STK32B: variants seen among roughly 807,000 people sequenced by gnomAD.
STK32B encodes serine/threonine kinase 32B, also known as serine/threonine-protein kinase 32B.
STK32B carries 43 observed loss-of-function variants against 52.6 expected under a neutral mutation model. That is an observed-to-expected ratio of 0.82 (90% CI 0.64 to 1.05). The LOEUF (loss-of-function observed/expected upper bound fraction) is 1.05, where lower values mean the gene tolerates loss of function less well. STK32B is among the 50% of genes least tolerant of loss of function. STK32B has a pLI of 0.00. For synonymous variants in STK32B, 238 were observed against 204.3 expected (o/e 1.17, Z -1.41); for missense variants, 621 against 534.6 (o/e 1.16, Z -1.59).
chr4:5,497,571 C>T (rs1341735900), intron 11 of STK32B, among the ~76,000 whole-genome samples: 1 of 152,202 alleles, frequency 6.6e-6, no homozygotes, highest in Non-Finnish European at 1.5e-5. Flanking sequence ...GGTCCTGGGC[C>T]TTTGCATGAA....
At chr4:5,207,357 G>T (rs1182000094) in intron 3 of STK32B, among the ~76,000 whole-genome samples, 1 of 152,158 alleles carries the variant, frequency 6.6e-6, no homozygotes, top group Admixed American at 6.5e-5. Context: ...TCTCGTGATA[G>T]CGAATAAGTT....
intron 2 of STK32B, among the ~76,000 whole-genome samples, chr4:5,167,919 G>C (rs1172721586): frequency 6.6e-6 from 1 of 152,236 alleles, no homozygotes; most frequent in Admixed American, 6.5e-5. Flanking sequence ...CACAGACGGA[G>C]TCTGCGACAC....
intron 3 of STK32B, among the ~76,000 whole-genome samples, chr4:5,208,227 A>G (rs1722698526): frequency 6.6e-6 from 1 of 152,188 alleles, no homozygotes; most frequent in South Asian, 2.1e-4. Flanking sequence ...GCTCACACCC[A>G]TTTATTTTCC....
At position 5,102,733 on chromosome 4, in the gene STK32B, C is replaced by T. The variant is rs183547300; in HGVS notation, c.53-37172C>T. Among the ~76,000 whole-genome samples, 22 of 150,888 alleles carry T rather than the reference C, an allele frequency of 1.5e-4. No homozygotes were observed. In the East Asian group the frequency reaches 2.5e-3, roughly 17 times the overall value. On this transcript the variant is annotated intron_variant, in intron 1 of 11. Coordinates refer to ENST00000282908, the MANE Select transcript of STK32B (RefSeq NM_018401.3). ...TTGTTTTTAATTTTTAGTAGAGATA[C>T]GGTTTTACCATTTTGGCCAGGCTGG...
At chr4:5,140,102 G>GA in intron 2 of STK32B, 142 bp downstream of exon 2, 1 of 1,429,498 alleles carries the variant, frequency 7.0e-7, no homozygotes, top group Non-Finnish European at 9.8e-7. Context: ...AAGGAAGTCT[G>GA]AATAGTTTCC....
chr4:5,248,045 C>T (rs529822608), intron 3 of STK32B, among the ~76,000 whole-genome samples: 15 of 152,224 alleles, frequency 9.9e-5, no homozygotes, highest in Non-Finnish European at 1.5e-4. Context: ...TATTGGCAAC[C>T]GCAGCTACAG....
intron 3 of STK32B, among the ~76,000 whole-genome samples, chr4:5,182,469 T>G (rs1448359405): frequency 4.6e-5 from 7 of 151,972 alleles, no homozygotes; most frequent in Admixed American, 4.6e-4. Context: ...TTTCCTTTTT[T>G]TTTGTTTTTT....
intron 3 of STK32B, among the ~76,000 whole-genome samples, chr4:5,243,657 A>C (rs941212961): frequency 2.6e-5 from 4 of 152,148 alleles, no homozygotes; most frequent in African/African-American, 9.7e-5. Flanking sequence ...GTCTTGTGCC[A>C]GTTTTCAAAG....
At chr4:5,314,148 T>A (rs1393565285) in intron 3 of STK32B, among the ~76,000 whole-genome samples, 1 of 151,986 alleles carries the variant, frequency 6.6e-6, no homozygotes, top group Non-Finnish European at 1.5e-5. Context: ...GGAGTCAGCC[T>A]ACTCAATGTT....
intron 6 of STK32B, among the ~76,000 whole-genome samples, chr4:5,433,408 G>A (rs1307476332): frequency 6.6e-6 from 1 of 152,122 alleles, no homozygotes; most frequent in African/African-American, 2.4e-5. Flanking sequence ...GTAAGTGTCC[G>A]GTGGGTGTTA....
At chr4:5,048,707 C>T (rs934840816), upstream of STK32B, among the ~76,000 whole-genome samples, 3 of 152,246 alleles carry the variant, frequency 2.0e-5, no homozygotes, top group East Asian at 1.9e-4. Context: ...GGATTATAGG[C>T]GTGAAACGCC....
intron 3 of STK32B, among the ~76,000 whole-genome samples, chr4:5,230,388 C>T (rs1724180390): frequency 6.6e-6 from 1 of 151,688 alleles, no homozygotes; most frequent in Non-Finnish European, 1.5e-5. Flanking sequence ...TGGGGTTTCA[C>T]CATATTAGCC....
chr4:5,477,981 C>T (rs1560447192), intron 11 of STK32B, among the ~76,000 whole-genome samples: 1 of 152,156 alleles, frequency 6.6e-6, no homozygotes, highest in Admixed American at 6.5e-5. Flanking sequence ...CGGAAAAGCT[C>T]AGCCTCACCT....
chr4:5,350,640 A>C (rs1733765019), intron 4 of STK32B, among the ~76,000 whole-genome samples: 2 of 152,198 alleles, frequency 1.3e-5, no homozygotes. Context: ...CTCACATATC[A>C]ATAATAACAT....
At chr4:5,479,166 C>G (rs1718483300) in intron 11 of STK32B, among the ~76,000 whole-genome samples, 1 of 147,348 alleles carries the variant, frequency 6.8e-6, no homozygotes, top group African/African-American at 2.5e-5. Context: ...GTCACCCAGG[C>G]TGGAGTGAAG....
rs148076152 is a variant in STK32B, at chr4:5,087,790, C to T, written c.52+35875C>T. 1.5e-3 allele frequency among the ~76,000 whole-genome samples: 233 copies of T among 150,992 alleles called. 1 individual carries two copies. The highest frequency in any genetic ancestry group is 2.9e-3 in the South Asian group (14 of 4,748). ...TGGATCTCATAATATAGCCCCAAGA[C>T]GTATGAAGCAAAAAGCGGCAGAATT... On this transcript the variant is annotated intron_variant, in intron 1 of 11. Transcript: ENST00000282908.
chr4:5,398,976 G>A lies in STK32B; in HGVS notation c.472+732G>A, dbSNP rs568284564. Among the ~76,000 whole-genome samples, 16 of 152,312 alleles carry A rather than the reference G, an allele frequency of 1.1e-4. No individual in the cohort carries two copies. The highest frequency in any genetic ancestry group is 2.6e-4 in the African/African-American group (11 of 41,562). ...CTGGTAAAAATCAGAGGTCAGGCCCGGTCCTGCTTCAGCAAGCCTGGGCTC... is the reference window on the plus strand; with the variant it reads ...CTGGTAAAAATCAGAGGTCAGGCCCAGTCCTGCTTCAGCAAGCCTGGGCTC... On this transcript the variant is annotated intron_variant, in intron 5 of 11. Coordinates refer to ENST00000282908, the MANE Select transcript of STK32B (RefSeq NM_018401.3). This position sits in a 1 kb window ranked among gnomAD's most constrained non-coding sequence, Gnocchi z 4.9.
At chr4:5,096,530 C>T (rs934226234) in intron 1 of STK32B, among the ~76,000 whole-genome samples, 2 of 152,188 alleles carry the variant, frequency 1.3e-5, no homozygotes, top group African/African-American at 4.8e-5. Flanking sequence ...ATTAGACTCC[C>T]TCCTCCCACC....
chr4:5,392,368 A>G (rs767623723), intron 4 of STK32B, among the ~76,000 whole-genome samples: 5 of 152,164 alleles, frequency 3.3e-5, no homozygotes, highest in Non-Finnish European at 5.9e-5. Flanking sequence ...GGAGGTTGTA[A>G]TGAGCCAAGA....
Sources: gnomAD v4.1 joint callset for allele counts (sites outside exome capture counted in the v4.1 genomes callset) on GRCh38, gnomAD v4.1.1 for gene constraint, Gnocchi (gnomAD v3.1) non-coding constraint, MANE v1.5 for transcripts, NCBI Gene and HGNC (gene_info 2026-07-23, HGNC 2026-07-21) for gene names.